The following FSTL5 variants were observed in gnomAD, a reference collection of about 807,000 sequenced individuals.
FSTL5 encodes follistatin-related protein 5.
A neutral mutation model predicts 89.1 loss-of-function variants in FSTL5; 62 were observed. The ratio of observed to expected loss-of-function variants is 0.70; its 90% CI spans 0.57 to 0.86. The LOEUF is 0.86. Among genes scored for constraint, FSTL5 ranks in the 40% least tolerant of loss-of-function variants. The probability of loss-of-function intolerance (pLI) is 0.00; values close to 1 mark genes in which losing one functional copy is unlikely to be tolerated. For synonymous variants in FSTL5, 383 were observed against 346.2 expected (o/e 1.11, Z -1.18); for missense variants, 1,057 against 1,001.6 (o/e 1.06, Z -0.75).
chr4:161,736,484 AATATTCT>A (rs1739822309), intron 6 of FSTL5, among the ~76,000 whole-genome samples: 1 of 152,166 alleles, frequency 6.6e-6, no homozygotes, highest in South Asian at 2.1e-4. Context: ...ATAAAATACA[AATATTCT>A]ATTGCCTTTC....
intron 2 of FSTL5, among the ~76,000 whole-genome samples, chr4:162,064,461 A>T (rs1157555617): frequency 6.6e-6 from 1 of 152,058 alleles, no homozygotes; most frequent in Non-Finnish European, 1.5e-5. Flanking sequence ...GACGGACCTC[A>T]TCCAAATAAT....
At chr4:162,005,378 G>A (rs984057257) in intron 3 of FSTL5, among the ~76,000 whole-genome samples, 1 of 152,052 alleles carries the variant, frequency 6.6e-6, no homozygotes, top group Non-Finnish European at 1.5e-5. Flanking sequence ...CTTTCAATGA[G>A]TTATGTCCTC....
At chr4:161,860,286 TCAAACAAA>T (rs10690156) in intron 4 of FSTL5, among the ~76,000 whole-genome samples, 14 of 149,798 alleles carry the variant, frequency 9.3e-5, no homozygotes, top group Non-Finnish European at 1.9e-4. Context: ...AGACTCCGTC[TCAAACAAA>T]CAAACAAACA....
intron 6 of FSTL5, among the ~76,000 whole-genome samples, chr4:161,705,006 C>A (rs1472952678): frequency 6.6e-6 from 1 of 151,882 alleles, no homozygotes; most frequent in East Asian, 1.9e-4. Flanking sequence ...CTGTGGATTC[C>A]AAATTGGGTA....
chr4:161,777,901 C>T (rs1023552444), intron 4 of FSTL5, among the ~76,000 whole-genome samples: 1 of 152,224 alleles, frequency 6.6e-6, no homozygotes, highest in East Asian at 1.9e-4. Context: ...CGAGGCCAGC[C>T]TGGCCAACAT....
At chr4:161,910,916 A>G (rs1733672257) in intron 4 of FSTL5, among the ~76,000 whole-genome samples, 3 of 152,172 alleles carry the variant, frequency 2.0e-5, no homozygotes, top group Non-Finnish European at 4.4e-5. Flanking sequence ...TAAATTATGA[A>G]TTGACTGCTA....
chr4:162,090,019 C>A (rs1373910277), intron 2 of FSTL5, among the ~76,000 whole-genome samples: 1 of 152,100 alleles, frequency 6.6e-6, no homozygotes, highest in Non-Finnish European at 1.5e-5. Context: ...GTCAATGGTG[C>A]TGGGATAACT....
chr4:161,503,985 T>A (rs926750980), intron 11 of FSTL5, among the ~76,000 whole-genome samples: 2 of 151,932 alleles, frequency 1.3e-5, no homozygotes, highest in Non-Finnish European at 2.9e-5. Flanking sequence ...ACAGGCTACA[T>A]GAAGTAGAAT....
At position 161,874,631 on chromosome 4, in the gene FSTL5, T is replaced by G. The variant is rs560231958; in HGVS notation, c.409+45773A>C. On this transcript the variant is annotated intron_variant, in intron 4 of 15. Coordinates refer to ENST00000306100, the MANE Select transcript of FSTL5 (RefSeq NM_020116.5). ...CTCAGAATCTTTGATGATTTCCATCTCTTTGTCTGTGCTACATTCAGGGTA... is the reference window on the plus strand; with the variant it reads ...CTCAGAATCTTTGATGATTTCCATCGCTTTGTCTGTGCTACATTCAGGGTA... Among the ~76,000 whole-genome samples the G allele has an allele frequency of 2.0e-5, 3 of 150,516 alleles. No homozygotes were observed. The East Asian group carries it at 5.9e-4, about 30-fold the overall frequency.
intron 3 of FSTL5, among the ~76,000 whole-genome samples, chr4:161,926,642 C>T (rs1734134809): frequency 6.6e-6 from 1 of 151,724 alleles, no homozygotes; most frequent in African/African-American, 2.4e-5. Flanking sequence ...TGTGATAATT[C>T]TGAAAGCAGA....
intron 4 of FSTL5, among the ~76,000 whole-genome samples, chr4:161,857,208 C>A (rs1731748148): frequency 6.6e-6 from 1 of 152,076 alleles, no homozygotes; most frequent in Admixed American, 6.6e-5. Context: ...GTTACTTGGA[C>A]TAGGTGATCA....
chr4:161,486,143 C>CA (rs1278214856), intron 12 of FSTL5, among the ~76,000 whole-genome samples: 3,826 of 75,814 alleles, frequency 0.05, 178 homozygotes, highest in East Asian at 0.18. Flanking sequence ...GACTCCGTCT[C>CA]AAAAAAAAAA....
At chr4:161,802,803 G>A (rs371092001) in intron 4 of FSTL5, among the ~76,000 whole-genome samples, 27 of 151,884 alleles carry the variant, frequency 1.8e-4, no homozygotes, top group Admixed American at 2.6e-4. Flanking sequence ...CATTTGCCAT[G>A]CTGTAGAATA....
chr4:161,840,564 T>C (rs1354351861), intron 4 of FSTL5, among the ~76,000 whole-genome samples: 1 of 152,196 alleles, frequency 6.6e-6, no homozygotes, highest in Non-Finnish European at 1.5e-5. Context: ...TCTACAGACG[T>C]GAACAGTAAT....
intron 2 of FSTL5, among the ~76,000 whole-genome samples, chr4:162,089,959 T>C (rs1396284807): frequency 5.3e-5 from 8 of 152,160 alleles, no homozygotes; most frequent in African/African-American, 1.9e-4. Context: ...TTCCATCCGA[T>C]CTTCAATAAA....
chr4:161,603,434 C>A (rs1234882674), intron 7 of FSTL5, among the ~76,000 whole-genome samples: 2 of 152,068 alleles, frequency 1.3e-5, no homozygotes, highest in Non-Finnish European at 2.9e-5. Context: ...TCTCTACTTG[C>A]AAGCAGCAAG....
At chr4:161,825,085 AG>A (rs1730624970) in intron 4 of FSTL5, among the ~76,000 whole-genome samples, 1 of 152,104 alleles carries the variant, frequency 6.6e-6, no homozygotes, top group African/African-American at 2.4e-5. Flanking sequence ...AATTTTTCTA[AG>A]GGTTTTAATC....
intron 7 of FSTL5, among the ~76,000 whole-genome samples, chr4:161,594,114 A>G (rs528439680): frequency 8.5e-4 from 130 of 152,272 alleles, no homozygotes; most frequent in Non-Finnish European, 1.1e-3. Context: ...TGGCCAGAAA[A>G]ATAACAGCAA....
At chr4:161,573,533 C>T (rs1450346379) in intron 8 of FSTL5, among the ~76,000 whole-genome samples, 4 of 115,726 alleles carry the variant, frequency 3.5e-5, no homozygotes, top group East Asian at 2.1e-4. Flanking sequence ...GTCGGGAGTT[C>T]GCTACCAGCC....
Sources: allele counts gnomAD v4.1 joint callset (sites outside exome capture counted in the v4.1 genomes callset), GRCh38; gene constraint gnomAD v4.1.1; transcripts MANE v1.5; gene names NCBI Gene and HGNC (gene_info 2026-07-23, HGNC 2026-07-21).